UNC13C: variants seen among roughly 807,000 people sequenced by gnomAD.
The protein encoded by UNC13C is unc-13 homolog C.
UNC13C carries 174 observed loss-of-function variants against 245.4 expected under a neutral mutation model. The ratio of observed to expected loss-of-function variants is 0.71; its 90% CI spans 0.63 to 0.80. UNC13C has a LOEUF of 0.80. UNC13C is among the 30% of genes least tolerant of loss of function. UNC13C has a pLI of 0.00. For synonymous variants in UNC13C, 992 were observed against 895.1 expected (o/e 1.11, Z -1.93); for missense variants, 2,829 against 2,602.9 (o/e 1.09, Z -1.89).
chr15:54,186,891 G>C (rs112125806), intron 4 of UNC13C, among the ~76,000 whole-genome samples: 1 of 147,332 alleles, frequency 6.8e-6, no homozygotes, highest in Non-Finnish European at 1.5e-5. Flanking sequence ...CTCTGTCACC[G>C]AGGCTGGAGT....
At chr15:54,224,418 T>A (rs1429369724) in intron 4 of UNC13C, among the ~76,000 whole-genome samples, 1 of 152,162 alleles carries the variant, frequency 6.6e-6, no homozygotes, top group African/African-American at 2.4e-5. Flanking sequence ...ATTCTGTTGA[T>A]GTGATGTATC....
chr15:54,215,758 C>T (rs553386040), intron 4 of UNC13C, among the ~76,000 whole-genome samples: 92 of 151,992 alleles, frequency 6.1e-4, no homozygotes, highest in African/African-American at 2.1e-3. Flanking sequence ...TTAAGAAGCC[C>T]ATTAAGGAAT....
chr15:54,212,527 A>G (rs1356492348), intron 4 of UNC13C, among the ~76,000 whole-genome samples: 1 of 151,946 alleles, frequency 6.6e-6, no homozygotes, highest in East Asian at 1.9e-4. Flanking sequence ...ATAAAAAAAT[A>G]TGTACACAAT....
intron 19 of UNC13C, among the ~76,000 whole-genome samples, chr15:54,461,724 T>A (rs1424268147): frequency 6.6e-6 from 1 of 152,116 alleles, no homozygotes; most frequent in East Asian, 1.9e-4. Context: ...TCTTAGATAA[T>A]AGTATGAGTA....
At chr15:54,306,669 T>A (rs1414057387) in intron 13 of UNC13C, among the ~76,000 whole-genome samples, 1 of 151,994 alleles carries the variant, frequency 6.6e-6, no homozygotes, top group Non-Finnish European at 1.5e-5. Flanking sequence ...GTTTAATCAG[T>A]CATTTATTGT....
At chr15:54,511,712 A>G (rs901186719) in intron 23 of UNC13C, 41 bp from the exon 24 acceptor site, 10 of 1,391,938 alleles carry the variant, frequency 7.2e-6, no homozygotes, top group African/African-American at 1.5e-5. Context: ...AATTTTATAT[A>G]AAAAGATTGC....
At chr15:54,543,566 AAAG>A (rs199538355) in intron 26 of UNC13C, among the ~76,000 whole-genome samples, 2,109 of 152,184 alleles carry the variant, frequency 0.014, 50 homozygotes, top group African/African-American at 0.044. Context: ...ATAAAGAAAA[AAAG>A]AGAGAAGAAT....
chr15:54,196,105 G>C (rs2034344565), intron 4 of UNC13C, among the ~76,000 whole-genome samples: 1 of 152,074 alleles, frequency 6.6e-6, no homozygotes, highest in South Asian at 2.1e-4. Context: ...TTATGAATAG[G>C]AGATGAGGTT....
chr15:54,053,589 G>A (rs1897366707), intron 2 of UNC13C, among the ~76,000 whole-genome samples: 1 of 152,146 alleles, frequency 6.6e-6, no homozygotes, highest in Non-Finnish European at 1.5e-5. Context: ...GCATCAGGGT[G>A]AATGGGGTGT....
Position 54,012,955 on chromosome 15 carries a change from T to C in UNC13C, c.52T>C (p.Cys18Arg). 3 of 1,613,402 alleles carry C rather than the reference T, an allele frequency of 1.9e-6. No homozygotes were observed. Among genetic ancestry groups the C allele is most frequent in the South Asian group, 1.1e-5 (1 of 91,028 alleles). Residue 18 changes from cysteine (C) to arginine (R), a missense_variant, in exon 2 of 33, where the codon TGC (cysteine) becomes CGC (arginine). By Grantham distance (180) the Cys-to-Arg change is radical. Transcript: ENST00000260323. ...GATTTTACCTTACATTCATAAGCTT[T>C]GCAAAGGAATGTTTACAAAGAAATT... The part of the protein sequence containing the change: ...SLILPYIHKL[C>R]KGMFTKKLGN...
chr15:54,011,838 A>G (rs1045842051), intron 1 of UNC13C, among the ~76,000 whole-genome samples: 5 of 152,208 alleles, frequency 3.3e-5, no homozygotes, highest in African/African-American at 1.2e-4. Flanking sequence ...ATTGAAATGC[A>G]ACTGGCAGAT....
At chr15:53,962,255 T>C in the UNC13C span, among the ~76,000 whole-genome samples, 1 of 152,146 alleles carries the variant, frequency 6.6e-6, no homozygotes, top group Non-Finnish European at 1.5e-5. Flanking sequence ...TTCATGCTAA[T>C]AACTTTAATG....
rs1051376693 is a variant in UNC13C at position 54,384,088 on chromosome 15, G to A, written c.4714-8960G>A. On this transcript the variant is annotated intron_variant, in intron 17 of 32. Transcript: ENST00000260323. ...TATTGAAATGACCATACTACCCAAA[G>A]CAATCTATGGATTCAATGTAATTCC... Among the ~76,000 whole-genome samples the A allele has an allele frequency of 7.2e-5, 11 of 152,126 alleles. No individual in the cohort carries two copies. The East Asian group carries it at 1.9e-3, about 27-fold the overall frequency.
intron 4 of UNC13C, among the ~76,000 whole-genome samples, chr15:54,224,962 C>A (rs7180443): frequency 0.016 from 2,452 of 150,032 alleles, 75 homozygotes; most frequent in African/African-American, 0.058. Context: ...CTCCAATGAT[C>A]CTTTGAATAT....
At chr15:54,220,284 A>C (rs2140779832) in intron 4 of UNC13C, among the ~76,000 whole-genome samples, 1 of 150,544 alleles carries the variant, frequency 6.6e-6, no homozygotes, top group South Asian at 2.1e-4. Context: ...TGATGAGTTC[A>C]TGTCCTTTGT....
intron 17 of UNC13C, among the ~76,000 whole-genome samples, chr15:54,352,384 C>G (rs1442829731): frequency 3.4e-5 from 5 of 149,112 alleles, no homozygotes; most frequent in Non-Finnish European, 7.4e-5. Context: ...AGGTTATCCT[C>G]TCTGAAGAAT....
At chr15:54,552,428 TATAATTATATATTACAATATATA>T in intron 28 of UNC13C, among the ~76,000 whole-genome samples, 1 of 3,330 alleles carries the variant, frequency 3.0e-4, no homozygotes, top group Non-Finnish European at 4.3e-4. Context: ...CAATATATAA[TATAATTATATATTACAATATATA>T]ATATAATTAT....
At chr15:54,174,111 T>C (rs776258816) in intron 4 of UNC13C, among the ~76,000 whole-genome samples, 1 of 152,184 alleles carries the variant, frequency 6.6e-6, no homozygotes, top group Non-Finnish European at 1.5e-5. Flanking sequence ...TAATATTCTG[T>C]GAAGGATATT....
At chr15:53,933,417 C>T in the UNC13C span, among the ~76,000 whole-genome samples, 1 of 152,036 alleles carries the variant, frequency 6.6e-6, no homozygotes, top group Non-Finnish European at 1.5e-5. Flanking sequence ...ATAAGATGCA[C>T]ACAAATCAAA....
Sources: gnomAD v4.1 joint callset for allele counts (sites outside exome capture counted in the v4.1 genomes callset) on GRCh38, gnomAD v4.1.1 for gene constraint, MANE v1.5 for transcripts, NCBI Gene and HGNC (gene_info 2026-07-23, HGNC 2026-07-21) for gene names.